Variants in PEMT observed in about 807,000 individuals in gnomAD.
PEMT encodes phosphatidylethanolamine N-methyltransferase.
Under a neutral mutation model 27.4 loss-of-function variants are expected in PEMT, and 23 were observed. That is an observed-to-expected ratio of 0.84 (90% CI 0.60 to 1.19). PEMT has a LOEUF of 1.19. Ranked by LOEUF, PEMT falls within the 50% of genes most tolerant of loss-of-function variation. The probability of loss-of-function intolerance (pLI) is 0.00; values close to 1 mark genes in which losing one functional copy is unlikely to be tolerated. For missense variants in PEMT, 307 were observed against 310.1 expected (o/e 0.99, Z 0.07); for synonymous variants, 137 against 139.1 (o/e 0.98, Z 0.11).
At chr17:17,510,589 T>C (rs1467271045) in intron 4 of PEMT, among the ~76,000 whole-genome samples, 1 of 152,314 alleles carries the variant, frequency 6.6e-6, no homozygotes, top group African/African-American at 2.4e-5. Flanking sequence ...AGGGTGTGCG[T>C]AGATGGCACA....
intron 2 of PEMT, among the ~76,000 whole-genome samples, chr17:17,550,515 C>T (rs912605077): frequency 2.6e-5 from 4 of 152,196 alleles, no homozygotes; most frequent in Admixed American, 6.5e-5. Context: ...TATGCCACAG[C>T]ACCTCCTACC....
intron 2 of PEMT, among the ~76,000 whole-genome samples, chr17:17,567,780 G>A (rs1910930931): frequency 6.6e-6 from 1 of 152,218 alleles, no homozygotes. Flanking sequence ...CAGGCCTGAT[G>A]AGCCAGCTGG....
chr17:17,544,810 G>C (rs1335569205), intron 2 of PEMT, among the ~76,000 whole-genome samples: 1 of 152,148 alleles, frequency 6.6e-6, no homozygotes, highest in Non-Finnish European at 1.5e-5. Flanking sequence ...TGCTGAACCA[G>C]GACCATCATC....
intron 2 of PEMT, among the ~76,000 whole-genome samples, chr17:17,541,313 T>C (rs538656028): frequency 6.6e-6 from 1 of 152,198 alleles, no homozygotes; most frequent in African/African-American, 2.4e-5. Context: ...CTGAACCACC[T>C]GATCCCGAGC....
rs1907044316 is a variant in PEMT, at chr17:17,518,760, C to A, written c.320+3520G>T. ...CACAGCCTGGACCCCACAAAGCTTG[C>A]CATCTCCCATGGAGAACGATGCCAC... is the stretch of plus-strand genomic sequence containing the variant. On this transcript the variant is annotated intron_variant, in intron 3 of 6. Coordinates refer to ENST00000255389, the MANE Select transcript of PEMT (RefSeq NM_148172.3). Among the ~76,000 whole-genome samples the A allele has an allele frequency of 2.0e-5, 3 of 152,170 alleles. No homozygotes were observed. The South Asian group carries it at 6.2e-4, about 32-fold the overall frequency.
intron 1 of PEMT, chr17:17,591,280 T>A (rs1473993587): frequency 5.7e-6 from 3 of 528,948 alleles, no homozygotes; most frequent in Non-Finnish European, 1.0e-5. Context: ...AGGCACACAA[T>A]CAGACGAGCT....
intron 2 of PEMT, among the ~76,000 whole-genome samples, chr17:17,526,645 G>A (rs1042489447): frequency 3.3e-5 from 5 of 152,216 alleles, no homozygotes; most frequent in Non-Finnish European, 7.3e-5. Flanking sequence ...CGTGGTGCCC[G>A]TCTGGCCTGA....
At chr17:17,564,834 G>A (rs2142706746) in intron 2 of PEMT, among the ~76,000 whole-genome samples, 1 of 152,334 alleles carries the variant, frequency 6.6e-6, no homozygotes, top group East Asian at 1.9e-4. Context: ...CAGCCTGGTA[G>A]GGGTGCCCTG....
intron 2 of PEMT, among the ~76,000 whole-genome samples, chr17:17,548,060 C>T (rs971864218): frequency 1.3e-5 from 2 of 152,236 alleles, no homozygotes; most frequent in African/African-American, 4.8e-5. Context: ...GATGTTCTAT[C>T]CGAACCTCCC....
intron 3 of PEMT, chr17:17,518,179 G>A (rs558691227): frequency 2.3e-5 from 23 of 984,616 alleles, no homozygotes; most frequent in East Asian, 1.1e-4. Context: ...CCAGGAGCTC[G>A]CTGATGCCCT....
At chr17:17,559,459 AC>A (rs763559043) in intron 2 of PEMT, among the ~76,000 whole-genome samples, 4 of 152,132 alleles carry the variant, frequency 2.6e-5, no homozygotes, top group Non-Finnish European at 5.9e-5. Context: ...GGGGAAGGGA[AC>A]CCGCTGTGAA....
At chr17:17,559,974 C>T (rs1333055783) in intron 2 of PEMT, among the ~76,000 whole-genome samples, 3 of 152,332 alleles carry the variant, frequency 2.0e-5, no homozygotes, top group South Asian at 4.1e-4. Context: ...TGAGGCCTAC[C>T]GGCTACTCTA....
chr17:17,554,342 GC>G (rs1909892033), intron 2 of PEMT, among the ~76,000 whole-genome samples: 1 of 152,198 alleles, frequency 6.6e-6, no homozygotes, highest in Non-Finnish European at 1.5e-5. Context: ...GATGTTCACA[GC>G]CCCCCTCCCA....
At chr17:17,531,926 G>A (rs539806176) in intron 2 of PEMT, among the ~76,000 whole-genome samples, 2 of 152,114 alleles carry the variant, frequency 1.3e-5, no homozygotes, top group African/African-American at 4.8e-5. Flanking sequence ...ATTCTTGATA[G>A]AATGAAAGGA....
intron 2 of PEMT, among the ~76,000 whole-genome samples, chr17:17,535,876 T>C (rs907932279): frequency 6.6e-6 from 1 of 152,230 alleles, no homozygotes; most frequent in African/African-American, 2.4e-5. Flanking sequence ...CAGGCTTCAC[T>C]GTTTCCCAGC....
At position 17,518,536 on chromosome 17, in the gene PEMT, C is replaced by T. The variant is rs117546727; in HGVS notation, c.320+3744G>A. 5.9e-4 allele frequency among the ~76,000 whole-genome samples: 90 copies of T among 152,336 alleles called. No homozygotes were observed. In the East Asian group the frequency reaches 0.011, roughly 19 times the overall value. Reference sequence around the variant, plus strand: ...CAGATAACAGTGGCTCATCCTGCCCCGGGCCTCCCCTGACCACCTCTGGAT... The same window carrying T: ...CAGATAACAGTGGCTCATCCTGCCCTGGGCCTCCCCTGACCACCTCTGGAT... On this transcript the variant is annotated intron_variant, in intron 3 of 6. Transcript: ENST00000255389.
chr17:17,522,524 G>A (rs1484271978), intron 2 of PEMT, 129 bp from the exon 3 acceptor site: 8 of 663,860 alleles, frequency 1.2e-5, no homozygotes, highest in African/African-American at 3.6e-5. Flanking sequence ...AGAATTACAC[G>A]GGAGCAACAA....
chr17:17,511,522 G>A (rs919016960), intron 4 of PEMT, among the ~76,000 whole-genome samples: 3 of 152,214 alleles, frequency 2.0e-5, no homozygotes, highest in Non-Finnish European at 2.9e-5. Flanking sequence ...AGCTGTAGCC[G>A]GCATCTGAGG....
chr17:17,591,308 C>G (rs889019858), intron 1 of PEMT: 2 of 550,372 alleles, frequency 3.6e-6, no homozygotes, highest in African/African-American at 3.9e-5. Flanking sequence ...GCCCCCGTCT[C>G]TGACACACGC....
Sources: gnomAD v4.1 joint callset for allele counts (sites outside exome capture counted in the v4.1 genomes callset) on GRCh38, gnomAD v4.1.1 for gene constraint, MANE v1.5 for transcripts, NCBI Gene and HGNC (gene_info 2026-07-23, HGNC 2026-07-21) for gene names.